LMBRD1: variants seen among roughly 807,000 people sequenced by gnomAD.
The protein encoded by LMBRD1 is LMBR1 domain containing 1, also known as lysosomal cobalamin transport escort protein LMBD1.
LMBRD1 carries 64 observed loss-of-function variants against 74.8 expected under a neutral mutation model. That is an observed-to-expected ratio of 0.86 (90% confidence interval 0.70 to 1.05). The LOEUF is 1.05. LMBRD1 is among the 50% of genes least tolerant of loss of function. The pLI is 0.00. For synonymous variants in LMBRD1, 204 were observed against 216.3 expected (o/e 0.94, Z 0.50); for missense variants, 652 against 645.9 (o/e 1.01, Z -0.10).
At chr6:69,685,105 C>T (rs74492521) in intron 14 of LMBRD1, among the ~76,000 whole-genome samples, 5,719 of 150,540 alleles carry the variant, frequency 0.038, 166 homozygotes, top group South Asian at 0.081. Context: ...AGTATAAATG[C>T]TATGGGAATT....
intron 14 of LMBRD1, among the ~76,000 whole-genome samples, chr6:69,680,853 C>T (rs577895692): frequency 5.3e-5 from 8 of 152,062 alleles, no homozygotes; most frequent in South Asian, 4.1e-4. Context: ...AGGGGAGTGC[C>T]GTTCTTCACC....
intron 8 of LMBRD1, among the ~76,000 whole-genome samples, chr6:69,717,780 C>T (rs1027749124): frequency 6.6e-6 from 1 of 152,100 alleles, no homozygotes; most frequent in South Asian, 2.1e-4. Flanking sequence ...TCACTGCAGC[C>T]GCAACTTCCT....
At position 69,776,692 on chromosome 6, in the gene LMBRD1, G is replaced by A. The variant is rs548759232; in HGVS notation, c.307+3802C>T. Among the ~76,000 whole-genome samples, 12 of 152,244 alleles carry A rather than the reference G, an allele frequency of 7.9e-5. No individual in the cohort carries two copies. In the East Asian group the frequency reaches 1.7e-3, roughly 22 times the overall value. On this transcript the variant is annotated intron_variant, in intron 3 of 15. Transcript: ENST00000649934. ...AACCTTTATCTCATTGCACATGCAC[G>A]AGACATCTTTAGAAAAGCCACTGAC...
chr6:69,790,152 T>C, intron 2 of LMBRD1, 144 bp downstream of exon 2: 2 of 661,712 alleles, frequency 3.0e-6, no homozygotes, highest in Non-Finnish European at 5.4e-6. Flanking sequence ...TCTATCAGGT[T>C]AGATGTCACA....
At chr6:69,782,956 G>C (rs1434108606) in intron 2 of LMBRD1, among the ~76,000 whole-genome samples, 1 of 152,036 alleles carries the variant, frequency 6.6e-6, no homozygotes, top group Non-Finnish European at 1.5e-5. Context: ...CTAAATGCCA[G>C]AATAGAAATA....
chr6:69,681,598 T>G (rs1765663583), intron 14 of LMBRD1, among the ~76,000 whole-genome samples: 1 of 139,584 alleles, frequency 7.2e-6, no homozygotes, highest in Non-Finnish European at 1.5e-5. Flanking sequence ...ATTTGCATTT[T>G]ATAAAACAAA....
intron 12 of LMBRD1, among the ~76,000 whole-genome samples, chr6:69,700,357 A>C (rs1211452811): frequency 6.6e-6 from 1 of 151,812 alleles, no homozygotes; most frequent in East Asian, 1.9e-4. Flanking sequence ...TGTATCTATT[A>C]TATTCGAATG....
In LMBRD1 at chr6:69,701,917, G is replaced by A; in HGVS notation, c.952C>T (p.Leu318=). ...GACAAGAAGAGAGAAATTACAAACA[G>A]CAATGCAACTAAGATGAAAAATATT... is the stretch of plus-strand genomic sequence containing the variant. ...WGIFFILVAL[L]FVISLFLSNL... The change falls in exon 10 of 16, where the codon CTG becomes TTG. Residue 318 remains leucine (L), a synonymous_variant. Coordinates refer to ENST00000649934, the MANE Select transcript of LMBRD1 (RefSeq NM_018368.4). 6.2e-7 allele frequency: 1 copy of A among 1,600,494 alleles called. No individual in the cohort carries two copies. Among genetic ancestry groups the A allele is most frequent in the Non-Finnish European group, 8.6e-7 (1 of 1,168,604 alleles).
chr6:69,796,362 TGAG>T (rs1766229948), intron 1 of LMBRD1, among the ~76,000 whole-genome samples: 1 of 151,506 alleles, frequency 6.6e-6, no homozygotes, highest in Non-Finnish European at 1.5e-5. Context: ...GTAGGGAAAA[TGAG>T]GGAAAAAACA....
chr6:69,761,148 G>C (rs1222544338), intron 3 of LMBRD1, among the ~76,000 whole-genome samples: 2 of 152,214 alleles, frequency 1.3e-5, no homozygotes, highest in Non-Finnish European at 2.9e-5. Flanking sequence ...AAGTGAGTCA[G>C]ATGTGCTGTG....
intron 8 of LMBRD1, among the ~76,000 whole-genome samples, chr6:69,715,057 A>C (rs1285330914): frequency 6.6e-6 from 1 of 152,050 alleles, no homozygotes; most frequent in African/African-American, 2.4e-5. Flanking sequence ...CTCTAAGTAC[A>C]TTGGGTATTA....
chr6:69,792,069 A>G (rs74517359), intron 1 of LMBRD1, among the ~76,000 whole-genome samples: 2,464 of 152,332 alleles, frequency 0.016, 53 homozygotes, highest in African/African-American at 0.055. Context: ...CACAATTTCA[A>G]GAAGTCTCTA....
intron 12 of LMBRD1, among the ~76,000 whole-genome samples, chr6:69,699,988 T>C (rs974795297): frequency 1.3e-5 from 2 of 151,868 alleles, no homozygotes; most frequent in Admixed American, 6.6e-5. Context: ...TTTATTGATA[T>C]AATTGTTTAC....
intron 3 of LMBRD1, among the ~76,000 whole-genome samples, chr6:69,765,053 C>G (rs1208338657): frequency 6.6e-6 from 1 of 151,818 alleles, no homozygotes; most frequent in Non-Finnish European, 1.5e-5. Context: ...CCTCAGCCTC[C>G]CCACATAGCT....
intron 9 of LMBRD1, among the ~76,000 whole-genome samples, chr6:69,707,526 T>C (rs941357442): frequency 3.3e-5 from 5 of 152,206 alleles, no homozygotes; most frequent in African/African-American, 4.8e-5. Context: ...GTTTCCTTAT[T>C]GTTTCCATTT....
intron 3 of LMBRD1, among the ~76,000 whole-genome samples, chr6:69,759,923 C>T (rs939814294): frequency 1.3e-5 from 2 of 152,058 alleles, no homozygotes; most frequent in Non-Finnish European, 2.9e-5. Flanking sequence ...ATTTCATTTA[C>T]AAATAAGTGA....
At chr6:69,707,565 T>A (rs1302412938) in intron 9 of LMBRD1, among the ~76,000 whole-genome samples, 4 of 152,182 alleles carry the variant, frequency 2.6e-5, no homozygotes, top group Non-Finnish European at 5.9e-5. Context: ...CACCGTTTAT[T>A]TTTAGTCCTT....
chr6:69,784,875 T>G (rs1438538098), intron 2 of LMBRD1, among the ~76,000 whole-genome samples: 2 of 152,268 alleles, frequency 1.3e-5, no homozygotes, highest in African/African-American at 4.8e-5. Context: ...GTATACAAAT[T>G]CTAGTAACTA....
chr6:69,758,738 T>C (rs1351826154), intron 3 of LMBRD1, among the ~76,000 whole-genome samples: 1 of 152,090 alleles, frequency 6.6e-6, no homozygotes, highest in Non-Finnish European at 1.5e-5. Context: ...GAAACAGAAT[T>C]TGGTACTAGA....
Sources: gnomAD v4.1 joint callset for allele counts (sites outside exome capture counted in the v4.1 genomes callset) on GRCh38, gnomAD v4.1.1 for gene constraint, MANE v1.5 for transcripts, NCBI Gene and HGNC (gene_info 2026-07-23, HGNC 2026-07-21) for gene names.